Variants in GPR158 observed in about 807,000 individuals in gnomAD.
The protein encoded by GPR158 is metabotropic glycine receptor.
In GPR158, 30 loss-of-function variants were observed where a neutral mutation model predicts 78.2. That is an observed-to-expected ratio of 0.38 (90% CI 0.29 to 0.52). The LOEUF (loss-of-function observed/expected upper bound fraction) is 0.52, where lower values mean the gene tolerates loss of function less well. GPR158 is among the 20% of genes least tolerant of loss of function. GPR158 has a pLI of 0.83. For missense variants in GPR158, 1,463 were observed against 1,523.5 expected, an observed-to-expected ratio of 0.96 and a Z score of 0.66; for synonymous variants, 581 against 591.1, an observed-to-expected ratio of 0.98 and a Z score of 0.25.
chr10:25,289,582 A>G (rs1417366607), intron 2 of GPR158, among the ~76,000 whole-genome samples: 4 of 151,900 alleles, frequency 2.6e-5, no homozygotes, highest in Non-Finnish European at 4.4e-5. Flanking sequence ...ACAGGCGCCC[A>G]CCACCACCCC....
At chr10:25,429,962 G>A (rs1307950346) in intron 4 of GPR158, among the ~76,000 whole-genome samples, 21 of 137,770 alleles carry the variant, frequency 1.5e-4, no homozygotes, top group African/African-American at 5.2e-4. Flanking sequence ...AGACAGGGAT[G>A]CCCTCTCTCA....
chr10:25,511,323 G>T lies in GPR158; in HGVS notation c.1405-39653G>T, dbSNP rs575550290. Among the ~76,000 whole-genome samples, 4 of 152,158 alleles carry T rather than the reference G, an allele frequency of 2.6e-5. No homozygotes were observed. In the South Asian group the frequency reaches 6.2e-4, roughly 24 times the overall value. ...GATGTTGAACATTTTTCATATGTTT[G>T]TTGGCCATTTGTATATCTTCTTCTG... On this transcript the variant is annotated intron_variant, in intron 5 of 10. Coordinates refer to ENST00000376351, the MANE Select transcript of GPR158 (RefSeq NM_020752.3).
intron 2 of GPR158, among the ~76,000 whole-genome samples, chr10:25,346,223 C>T (rs1331402671): frequency 3.9e-4 from 57 of 147,952 alleles, no homozygotes; most frequent in Non-Finnish European, 7.2e-4. Flanking sequence ...TCTGGGTGCT[C>T]TCAATTATTT....
intron 5 of GPR158, among the ~76,000 whole-genome samples, chr10:25,486,809 G>T (rs1835741331): frequency 8.5e-6 from 1 of 117,462 alleles, no homozygotes; most frequent in African/African-American, 2.7e-5. Context: ...AACTATGATA[G>T]ACCATTTTTT....
At chr10:25,398,310 T>C (rs1359797606) in intron 3 of GPR158, among the ~76,000 whole-genome samples, 1 of 152,238 alleles carries the variant, frequency 6.6e-6, no homozygotes, top group African/African-American at 2.4e-5. Context: ...CCTGGTAATA[T>C]ATTTTAAGGA....
intron 2 of GPR158, among the ~76,000 whole-genome samples, chr10:25,367,514 G>A (rs1430821876): frequency 6.6e-6 from 1 of 151,674 alleles, no homozygotes; most frequent in Admixed American, 6.6e-5. Context: ...CAAAATTTGG[G>A]CTTAGTTTGT....
intron 5 of GPR158, among the ~76,000 whole-genome samples, chr10:25,483,618 A>G (rs764758016): frequency 6.6e-6 from 1 of 152,132 alleles, no homozygotes; most frequent in Non-Finnish European, 1.5e-5. Flanking sequence ...TAAATTCTCA[A>G]GACAAAAATT....
intron 4 of GPR158, among the ~76,000 whole-genome samples, chr10:25,418,638 CAA>C (rs1186776356): frequency 6.7e-6 from 1 of 149,172 alleles, no homozygotes; most frequent in Non-Finnish European, 1.5e-5. Context: ...TTCGTGATCT[CAA>C]AGAGAGAGTA....
chr10:25,371,143 T>C (rs1833984682), intron 2 of GPR158, among the ~76,000 whole-genome samples: 1 of 148,790 alleles, frequency 6.7e-6, no homozygotes, highest in African/African-American at 2.5e-5. Flanking sequence ...CTGTGTCTTT[T>C]AATTGGAGCA....
At position 25,528,023 on chromosome 10, in the gene GPR158, A is replaced by AAATTTATATG. The variant is rs1212953761; in HGVS notation, c.1405-22950_1405-22949insTTATATGAAT. Among the ~76,000 whole-genome samples the AAATTTATATG allele has an allele frequency of 2.6e-5, 4 of 152,224 alleles. No individual in the cohort carries two copies. In the East Asian group the frequency reaches 7.7e-4, roughly 29 times the overall value. On this transcript the variant is annotated intron_variant, in intron 5 of 10. Transcript: ENST00000376351. ...GAAATTTGAATACACATTTTCATAT[A>AAATTTATATG]AATAAATTTATAATGAAAAGACTTC...
At chr10:25,422,852 C>CCT (rs942801103) in intron 4 of GPR158, among the ~76,000 whole-genome samples, 20 of 138,750 alleles carry the variant, frequency 1.4e-4, no homozygotes, top group Non-Finnish European at 2.7e-4. Context: ...ATTCCCTTAC[C>CCT]CCCCCCACAC....
At chr10:25,575,617 T>C (rs1837082074) in intron 7 of GPR158, among the ~76,000 whole-genome samples, 1 of 152,070 alleles carries the variant, frequency 6.6e-6, no homozygotes, top group Non-Finnish European at 1.5e-5. Context: ...ACGGAGGGAG[T>C]CAGATGAACT....
intron 4 of GPR158, among the ~76,000 whole-genome samples, chr10:25,442,132 AAAC>A (rs1428002129): frequency 2.0e-5 from 3 of 152,190 alleles, no homozygotes; most frequent in Admixed American, 2.0e-4. Context: ...GCCCTTGATT[AAAC>A]TACTCTGGGT....
intron 4 of GPR158, among the ~76,000 whole-genome samples, chr10:25,465,966 A>C (rs984480146): frequency 1.3e-5 from 2 of 152,210 alleles, no homozygotes; most frequent in African/African-American, 4.8e-5. Context: ...TGAGGGCTTG[A>C]AACTTCAACC....
intron 4 of GPR158, among the ~76,000 whole-genome samples, chr10:25,434,229 A>G (rs1834966469): frequency 6.6e-6 from 1 of 152,156 alleles, no homozygotes; most frequent in South Asian, 2.1e-4. Context: ...TGGTAGCAAT[A>G]CTAATTATGA....
At chr10:25,322,201 G>GA (rs1478309847) in intron 2 of GPR158, among the ~76,000 whole-genome samples, 1 of 152,028 alleles carries the variant, frequency 6.6e-6, no homozygotes, top group African/African-American at 2.4e-5. Context: ...CTGACATGGT[G>GA]AAACCCCATC....
rs375323949 is a variant in GPR158 at position 25,550,995 on chromosome 10, A to G, written c.1424A>G (p.Glu475Gly). 10 of 1,602,560 alleles carry G rather than the reference A, an allele frequency of 6.2e-6. No homozygotes were observed. Among genetic ancestry groups the G allele is most frequent in the African/African-American group, 1.3e-5 (1 of 74,588 alleles). ...LYFPVVILYF[E>G]PSTFRCILLR... is the part of the protein sequence containing the mutation. ...CCACAGGTTGTTATTTTGTACTTTG[A>G]GCCAAGCACATTTCGCTGTATTCTC... Residue 475 changes from glutamate (E) to glycine (G), a missense_variant, in exon 6 of 11, where the codon GAG becomes GGG. Physicochemically the swap from Glu to Gly is moderately conservative, Grantham distance 98 (BLOSUM62 -2). Transcript: ENST00000376351.
intron 5 of GPR158, among the ~76,000 whole-genome samples, chr10:25,487,880 G>A (rs1028551325): frequency 2.0e-5 from 3 of 152,080 alleles, no homozygotes. Context: ...TGAGTTTTCA[G>A]TGTAAATTAA....
At chr10:25,473,957 C>G (rs1835546316) in intron 5 of GPR158, among the ~76,000 whole-genome samples, 1 of 152,054 alleles carries the variant, frequency 6.6e-6, no homozygotes, top group Non-Finnish European at 1.5e-5. Context: ...ATGGACTTTG[C>G]TGATATGATT....
Sources: gnomAD v4.1 joint callset for allele counts (sites outside exome capture counted in the v4.1 genomes callset) on GRCh38, gnomAD v4.1.1 for gene constraint, MANE v1.5 for transcripts, NCBI Gene and HGNC (gene_info 2026-07-23, HGNC 2026-07-21) for gene names.